The following U2SURP variants were observed in gnomAD, a reference collection of about 807,000 sequenced individuals.
U2SURP encodes U2 snRNP-associated SURP motif-containing protein.
Under a neutral mutation model 144.9 loss-of-function variants are expected in U2SURP, and 9 were observed. The ratio of observed to expected loss-of-function variants is 0.06; its 90% CI spans 0.04 to 0.11. U2SURP has a LOEUF of 0.11. U2SURP is among the 10% of genes least tolerant of loss of function. The pLI, the probability that U2SURP is intolerant of heterozygous loss-of-function variation, is 1.00. For synonymous variants in U2SURP, 408 were observed against 396.8 expected (o/e 1.03, Z -0.33); for missense variants, 724 against 1,226.7 (o/e 0.59, Z 6.12).
At chr3:143,006,480 G>A (rs1455669381) in intron 1 of U2SURP, among the ~76,000 whole-genome samples, 2 of 152,154 alleles carry the variant, frequency 1.3e-5, no homozygotes, top group African/African-American at 4.8e-5. Flanking sequence ...TAGCGGCCGG[G>A]CACAGTGCCT....
intron 21 of U2SURP, 33 bp downstream of exon 21, chr3:143,037,368 C>T: frequency 1.3e-6 from 2 of 1,596,570 alleles, no homozygotes; most frequent in Non-Finnish European, 1.7e-6. Flanking sequence ...TTAAATCTAG[C>T]TAATACATTT....
chr3:143,038,152 G>C lies in U2SURP; in HGVS notation c.2266G>C (p.Val756Leu). The C allele has an allele frequency of 6.2e-7, 1 of 1,608,520 alleles. No individual in the cohort carries two copies. The highest frequency in any genetic ancestry group is 8.5e-7 in the Non-Finnish European group (1 of 1,177,406). The change falls in exon 22 of 28, where the codon GTT (valine) becomes CTT (leucine). Residue 756 changes from valine to leucine, a missense_variant. Val to Leu is a conservative substitution (Grantham distance 32). This residue lies in a region of U2SURP where 116 missense variants were observed against 167.9 expected (regional missense o/e 0.69). Coordinates refer to ENST00000473835, the MANE Select transcript of U2SURP (RefSeq NM_001080415.2). ...AAAAAAGAATGAGCCTATATTTAAAGTTGCCCCATCAAAATGGGAAGCTGT... is the reference window on the plus strand; with the variant it reads ...AAAAAAGAATGAGCCTATATTTAAACTTGCCCCATCAAAATGGGAAGCTGT... ...DSKKNEPIFKVAPSKWEAVDE... is the reference protein window; with the variant it reads ...DSKKNEPIFKLAPSKWEAVDE...
intron 1 of U2SURP, among the ~76,000 whole-genome samples, chr3:143,004,968 A>G (rs1369691341): frequency 1.3e-5 from 2 of 152,158 alleles, no homozygotes; most frequent in African/African-American, 4.8e-5. Flanking sequence ...ATATTTCCTT[A>G]GAATTTAATT....
chr3:143,010,941 C>T, intron 2 of U2SURP, 82 bp downstream of exon 2: 1 of 1,039,350 alleles, frequency 9.6e-7, no homozygotes, highest in Non-Finnish European at 1.4e-6. Flanking sequence ...AATGATTTTA[C>T]TTGACAAATA....
At chr3:143,008,701 A>T (rs1226441612) in intron 1 of U2SURP, among the ~76,000 whole-genome samples, 1 of 152,160 alleles carries the variant, frequency 6.6e-6, no homozygotes, top group Non-Finnish European at 1.5e-5. Context: ...TGTTGCTTTT[A>T]TGATTAGGAT....
At chr3:143,024,435 C>T (rs1030510978) in intron 13 of U2SURP, 3 of 409,926 alleles carry the variant, frequency 7.3e-6, no homozygotes, top group African/African-American at 6.4e-5. Context: ...TTTGAGTTCT[C>T]CTTACTGAAG....
chr3:143,026,658 G>T (rs1351398922), intron 13 of U2SURP: 2 of 151,846 alleles, frequency 1.3e-5, no homozygotes, highest in Non-Finnish European at 2.9e-5. Context: ...AAATAGTTTT[G>T]CATTTTTATA....
intron 13 of U2SURP, among the ~76,000 whole-genome samples, chr3:143,024,895 G>T (rs1268885343): frequency 1.4e-5 from 2 of 145,412 alleles, no homozygotes; most frequent in Non-Finnish European, 3.1e-5. Context: ...TTTTGTTTTT[G>T]TTTTTTTTTT....
chr3:143,047,907 G>A (rs1319184523), intron 24 of U2SURP, among the ~76,000 whole-genome samples: 2 of 151,288 alleles, frequency 1.3e-5, no homozygotes, highest in Non-Finnish European at 2.9e-5. Flanking sequence ...CCTCCCGGAC[G>A]GGGTCAGAAG....
At chr3:143,047,812 C>T (rs1305673140) in intron 24 of U2SURP, among the ~76,000 whole-genome samples, 5 of 105,322 alleles carry the variant, frequency 4.7e-5, no homozygotes, top group African/African-American at 1.4e-4. Flanking sequence ...CTCCTCACTT[C>T]CCAGTAGGGG....
rs1347261586 is a variant in U2SURP, at chr3:143,037,345, G to A, written c.2221+10G>A. The A allele has an allele frequency of 1.2e-6, 2 of 1,609,004 alleles. No homozygotes were observed. Among genetic ancestry groups the A allele is most frequent in the Non-Finnish European group, 8.5e-7 (1 of 1,177,458 alleles). On this transcript the variant is annotated intron_variant, in intron 21 of 27. Coordinates refer to ENST00000473835, the MANE Select transcript of U2SURP (RefSeq NM_001080415.2). ...CTTGATGGAGTGCCTTGTAAGTTCAGATTTCAAACTGATTAAATCTAGCTA... is the reference window on the plus strand; with the variant it reads ...CTTGATGGAGTGCCTTGTAAGTTCAAATTTCAAACTGATTAAATCTAGCTA...
At chr3:143,014,270 A>G in intron 3 of U2SURP, 41 bp from the exon 4 acceptor site, 2 of 1,377,382 alleles carry the variant, frequency 1.5e-6, no homozygotes, top group East Asian at 2.3e-5. Context: ...TTTAGATAGC[A>G]TTAAGAATCT....
At chr3:143,032,320 C>G (rs1422164788) in intron 16 of U2SURP, among the ~76,000 whole-genome samples, 1 of 152,178 alleles carries the variant, frequency 6.6e-6, no homozygotes, top group Non-Finnish European at 1.5e-5. Flanking sequence ...ATCCGCCTAC[C>G]TTGGCCTCCC....
At chr3:143,023,848 A>G (rs9860527) in intron 12 of U2SURP, 127 bp from the exon 13 acceptor site, 1 of 792,226 alleles carries the variant, frequency 1.3e-6, no homozygotes, top group South Asian at 1.6e-5. Flanking sequence ...CTTCAAATGC[A>G]GTGATTGCCT....
At chr3:143,004,994 G>A (rs1935761996) in intron 1 of U2SURP, among the ~76,000 whole-genome samples, 1 of 152,072 alleles carries the variant, frequency 6.6e-6, no homozygotes, top group Non-Finnish European at 1.5e-5. Flanking sequence ...AAAAATTACT[G>A]TTTTTGACTG....
At position 143,032,858 on chromosome 3, in the gene U2SURP, T is replaced by A; in HGVS notation, c.1685T>A (p.Phe562Tyr). The A allele has an allele frequency of 6.2e-7, 1 of 1,613,736 alleles. No individual in the cohort carries two copies. ...RKNDIGDAMV[F>Y]CLNNAEAAEE... ...AATGATATTGGAGATGCAATGGTTTTCTGTCTTAATAATGCTGAAGCTGCT... is the reference window on the plus strand; with the variant it reads ...AATGATATTGGAGATGCAATGGTTTACTGTCTTAATAATGCTGAAGCTGCT... Residue 562 changes from phenylalanine to tyrosine, a missense_variant, in exon 17 of 28, where the codon TTC (phenylalanine) becomes TAC (tyrosine). By Grantham distance (22) the Phe-to-Tyr change is conservative. Coordinates refer to ENST00000473835, the MANE Select transcript of U2SURP (RefSeq NM_001080415.2).
chr3:143,027,546 C>G (rs1560188447), intron 14 of U2SURP, among the ~76,000 whole-genome samples: 1 of 152,100 alleles, frequency 6.6e-6, no homozygotes, highest in African/African-American at 2.4e-5. Context: ...CAATATTTGT[C>G]CTTTTGTGAC....
rs1933277569 is a variant in U2SURP at position 143,028,413 on chromosome 3, A to G, written c.1446+7A>G. The stretch of plus-strand genomic sequence containing the variant: ...GCTTTATTCTATTCTGCAGGCAAGT[A>G]GAATCAATTACTTTGTTAATTTTGA... On this transcript the variant is annotated splice_region_variant and intron_variant, in intron 15 of 27. Coordinates refer to ENST00000473835, the MANE Select transcript of U2SURP (RefSeq NM_001080415.2). 4.3e-6 allele frequency: 7 copies of G among 1,612,320 alleles called. No individual in the cohort carries two copies. The highest frequency in any genetic ancestry group is 5.9e-6 in the Non-Finnish European group (7 of 1,179,394).
At chr3:143,045,930 G>A (rs1934408995) in intron 24 of U2SURP, among the ~76,000 whole-genome samples, 1 of 152,236 alleles carries the variant, frequency 6.6e-6, no homozygotes, top group African/African-American at 2.4e-5. Context: ...GAGCTCATGA[G>A]CTTTATCCCA....
Sources: gnomAD v4.1 joint callset for allele counts (sites outside exome capture counted in the v4.1 genomes callset) on GRCh38, gnomAD v4.1.1 for gene constraint, gnomAD v4.1.1 regional missense constraint, MANE v1.5 for transcripts, NCBI Gene and HGNC (gene_info 2026-07-23, HGNC 2026-07-21) for gene names.